B4GALT1: variants seen among roughly 807,000 people sequenced by gnomAD.
The protein encoded by B4GALT1 is beta-1,4-galactosyltransferase 1, also known as N-acetyllactosamine synthase.
In B4GALT1, 16 loss-of-function variants were observed where a neutral mutation model predicts 34.9. The ratio of observed to expected loss-of-function variants is 0.46; its 90% confidence interval spans 0.31 to 0.70. The LOEUF (loss-of-function observed/expected upper bound fraction) is 0.70, where lower values mean the gene tolerates loss of function less well. Ranked by LOEUF, B4GALT1 falls within the 30% of genes least tolerant of loss-of-function variation. The probability of loss-of-function intolerance (pLI) is 0.05; values close to 1 mark genes in which losing one functional copy is unlikely to be tolerated. For missense variants in B4GALT1, 445 were observed against 530.5 expected (o/e 0.84, Z 1.58); for synonymous variants, 221 against 218.1 (o/e 1.01, Z -0.12).
chr9:33,178,163 T>C, the B4GALT1 span, among the ~76,000 whole-genome samples: 7 of 151,908 alleles, frequency 4.6e-5, no homozygotes, highest in Non-Finnish European at 8.8e-5. Flanking sequence ...AGCTAATTTT[T>C]GTATTTTTAG....
intron 2 of B4GALT1, among the ~76,000 whole-genome samples, chr9:33,126,611 G>A (rs1284789816): frequency 2.6e-4 from 39 of 152,244 alleles, no homozygotes; most frequent in Non-Finnish European, 4.6e-4. Context: ...GTTAACTATT[G>A]TTAACCATAG....
At chr9:33,175,766 G>A in the B4GALT1 span, among the ~76,000 whole-genome samples, 2 of 152,214 alleles carry the variant, frequency 1.3e-5, no homozygotes, top group Non-Finnish European at 2.9e-5. Flanking sequence ...ATATAACCTA[G>A]ATGTGTAGTG....
intron 1 of B4GALT1, among the ~76,000 whole-genome samples, chr9:33,141,459 G>A (rs1840348213): frequency 6.6e-6 from 1 of 152,194 alleles, no homozygotes; most frequent in Admixed American, 6.5e-5. Context: ...GAAGGTTGCA[G>A]TGAGCCGAAA....
intron 3 of B4GALT1, among the ~76,000 whole-genome samples, chr9:33,117,347 A>G (rs1839955534): frequency 1.3e-5 from 2 of 152,278 alleles, no homozygotes; most frequent in Admixed American, 1.3e-4. Flanking sequence ...TTCAAGTAGT[A>G]GAGCATCTGG....
chr9:33,124,071 CCAG>C (rs1840059956), intron 2 of B4GALT1, among the ~76,000 whole-genome samples: 1 of 152,178 alleles, frequency 6.6e-6, no homozygotes, highest in African/African-American at 2.4e-5. Context: ...GTACACCAGG[CCAG>C]CAGAACAGTG....
intron 1 of B4GALT1, among the ~76,000 whole-genome samples, chr9:33,163,348 T>C (rs1224785152): frequency 6.6e-6 from 1 of 152,228 alleles, no homozygotes; most frequent in Non-Finnish European, 1.5e-5. Flanking sequence ...CTGTAGCTGC[T>C]GTTTGCTGGT....
At chr9:33,114,084 G>A (rs78195686) in intron 4 of B4GALT1, among the ~76,000 whole-genome samples, 6,057 of 152,278 alleles carry the variant, frequency 0.04, 139 homozygotes, top group Admixed American at 0.067. Flanking sequence ...CTGGTTCTGC[G>A]GTTTGTGGTG....
At chr9:33,105,081 A>T (rs1839785855) in intron 2 of B4GALT1, among the ~76,000 whole-genome samples, 1 of 151,956 alleles carries the variant, frequency 6.6e-6, no homozygotes, top group Admixed American at 6.6e-5. Flanking sequence ...TGGCCTCCCA[A>T]AGTGCTGGGA....
At chr9:33,144,028 G>A (rs907633029) in intron 1 of B4GALT1, among the ~76,000 whole-genome samples, 5 of 151,880 alleles carry the variant, frequency 3.3e-5, no homozygotes, top group East Asian at 1.9e-4. Context: ...TCACAGTCAC[G>A]AGCCACACAG....
Position 33,111,375 on chromosome 9 carries a change from G to C in B4GALT1, c.*2079C>G, listed in dbSNP as rs184203621. 143 of 152,102 alleles carry C rather than the reference G, an allele frequency of 9.4e-4. No homozygotes were observed. Among genetic ancestry groups the C allele is most frequent in the African/African-American group, 3.2e-3 (134 of 41,304 alleles). 9.4% of individuals were successfully genotyped at this position (152,102 alleles called of 1,614,324 possible). On this transcript the variant is annotated 3_prime_UTR_variant, in exon 6 of 6. Coordinates refer to ENST00000379731, the MANE Select transcript of B4GALT1 (RefSeq NM_001497.4). ...ATTTCTTTTAAGGCACTTTGGAAAA[G>C]TCAGGATCTGCGGACAGAAAGAGAG...
In B4GALT1 at chr9:33,111,122, T is replaced by A. The variant is rs1476840782; in HGVS notation, c.*2332A>T. The A allele has an allele frequency of 6.6e-6, 1 of 152,522 alleles. No homozygotes were observed. Among genetic ancestry groups the A allele is most frequent in the African/African-American group, 2.4e-5 (1 of 41,378 alleles). 9.4% of individuals were successfully genotyped at this position (152,522 alleles called of 1,614,324 possible). A position where few individuals can be genotyped will look rare whatever the true frequency, so the allele number is the denominator to read the frequency against. ...CACGGACCAGGCAAACATCCAGGCC[T>A]AACTGTGCCCTGGCTGTGCCTTGGG... On this transcript the variant is annotated 3_prime_UTR_variant, in exon 6 of 6. Coordinates refer to ENST00000379731, the MANE Select transcript of B4GALT1 (RefSeq NM_001497.4).
chr9:33,140,950 C>T (rs1308496662), intron 1 of B4GALT1, among the ~76,000 whole-genome samples: 3 of 152,364 alleles, frequency 2.0e-5, no homozygotes, highest in Non-Finnish European at 2.9e-5. Context: ...GGGAAGAGCA[C>T]AAGCTCTCTA....
intron 2 of B4GALT1, among the ~76,000 whole-genome samples, chr9:33,127,365 A>G (rs971836030): frequency 6.6e-6 from 1 of 152,260 alleles, no homozygotes. Context: ...TTCCGCAGAT[A>G]TATCAAGACA....
At chr9:33,113,972 C>A (rs12379501) in intron 4 of B4GALT1, 94 bp from the exon 5 acceptor site, 21 of 1,158,156 alleles carry the variant, frequency 1.8e-5, no homozygotes, top group Non-Finnish European at 2.6e-5. Flanking sequence ...TCCACCATCA[C>A]CCTTGCTGTT....
At chr9:33,156,386 G>A (rs913549638) in intron 1 of B4GALT1, among the ~76,000 whole-genome samples, 4 of 152,110 alleles carry the variant, frequency 2.6e-5, no homozygotes, top group African/African-American at 7.2e-5. Flanking sequence ...CACCCACCTC[G>A]GCCTCCCAAA....
At chr9:33,140,879 G>A (rs1167140170) in intron 1 of B4GALT1, among the ~76,000 whole-genome samples, 1 of 152,234 alleles carries the variant, frequency 6.6e-6, no homozygotes, top group African/African-American at 2.4e-5. Flanking sequence ...GGTGCCCCTT[G>A]AGGCCCCTTG....
At chr9:33,136,434 C>A (rs1484292351) in intron 1 of B4GALT1, among the ~76,000 whole-genome samples, 2 of 152,122 alleles carry the variant, frequency 1.3e-5, no homozygotes, top group East Asian at 3.9e-4. Context: ...AACCCAGGCT[C>A]CCCATACTCT....
rs114673042 is a variant in B4GALT1 at position 33,165,691 on chromosome 9, A to G, written c.412+1067T>C. Among the ~76,000 whole-genome samples, 1,179 of 152,308 alleles carry G rather than the reference A, an allele frequency of 7.7e-3. 12 individuals are homozygous for G. Among genetic ancestry groups the G allele is most frequent in the African/African-American group, 0.027 (1,117 of 41,580 alleles). ...CTGCCAGGGCCCCTCACTTACAACA[A>G]TTATCTAAAACCTAGCATTAGAAAT... is the stretch of plus-strand genomic sequence containing the variant. On this transcript the variant is annotated intron_variant, in intron 1 of 5. Coordinates refer to ENST00000379731, the MANE Select transcript of B4GALT1 (RefSeq NM_001497.4).
In B4GALT1 at chr9:33,135,440, G is replaced by A; in HGVS notation, c.413-16C>T. The A allele has an allele frequency of 1.2e-6, 2 of 1,612,696 alleles. No individual in the cohort carries two copies. Among genetic ancestry groups the A allele is most frequent in the Non-Finnish European group, 1.7e-6 (2 of 1,179,156 alleles). ...ATGGGGCCCACTAGAGAGGTGGAGG[G>A]AGGGAGAAGTTAGCAGGCCACAGGA... On this transcript the variant is annotated splice_polypyrimidine_tract_variant and intron_variant, in intron 1 of 5. Transcript: ENST00000379731.
Sources: allele counts gnomAD v4.1 joint callset (sites outside exome capture counted in the v4.1 genomes callset), GRCh38; gene constraint gnomAD v4.1.1; transcripts MANE v1.5; gene names NCBI Gene and HGNC (gene_info 2026-07-23, HGNC 2026-07-21).